Variants in NCAPD3 observed in about 807,000 individuals in gnomAD.
NCAPD3 encodes the protein condensin-2 complex subunit D3.
In NCAPD3, 105 loss-of-function variants were observed where a neutral mutation model predicts 182.9. That is an observed-to-expected ratio of 0.57 (90% CI 0.49 to 0.68). The LOEUF is 0.68. Ranked by LOEUF, NCAPD3 falls within the 30% of genes least tolerant of loss-of-function variation. NCAPD3 has a pLI of 0.00. For missense variants in NCAPD3, 1,944 were observed against 1,837.0 expected (o/e 1.06, Z -1.07); for synonymous variants, 815 against 679.9 (o/e 1.20, Z -3.09).
At chr11:134,207,803 A>C (rs1378258943) in intron 7 of NCAPD3, among the ~76,000 whole-genome samples, 3 of 151,622 alleles carry the variant, frequency 2.0e-5, no homozygotes, top group Non-Finnish European at 4.4e-5. Flanking sequence ...AAAGGGATGA[A>C]TTTTCCCACC....
intron 16 of NCAPD3, among the ~76,000 whole-genome samples, chr11:134,186,403 G>A (rs1944405972): frequency 6.6e-6 from 1 of 152,146 alleles, no homozygotes; most frequent in Non-Finnish European, 1.5e-5. Flanking sequence ...TCTTGAGACA[G>A]GGTCTCACTA....
At chr11:134,197,242 C>A (rs1307927975) in intron 13 of NCAPD3, among the ~76,000 whole-genome samples, 1 of 149,690 alleles carries the variant, frequency 6.7e-6, no homozygotes, top group Non-Finnish European at 1.5e-5. Flanking sequence ...CCAATTAAAT[C>A]TCTTTTCTGA....
chr11:134,169,203 A>G, intron 24 of NCAPD3, 149 bp from the exon 25 acceptor site: 2 of 706,004 alleles, frequency 2.8e-6, no homozygotes, highest in Non-Finnish European at 4.2e-6. Context: ...CTCGGATCCA[A>G]AGAAGACAGA....
chr11:134,159,941 G>C lies in NCAPD3; in HGVS notation c.3818C>G (p.Ala1273Gly). ...LVQEQELAKH[A>G]DVAGTAGGAE... The stretch of plus-strand genomic sequence containing the variant: ...ACCTCCAGCCGTCCCGGCCACATCT[G>C]CATGTTTTGCTAGCTCCTGCTCCTG... Residue 1273 changes from alanine (A) to glycine (G), a missense_variant, in exon 29 of 35, where the codon GCA becomes GGA. Ala to Gly is a moderately conservative substitution (Grantham distance 60). Around this residue, in one of 3 missense-constraint regions of NCAPD3, gnomAD observed 1,803 missense variants for 1,674.6 expected, o/e 1.08. Transcript: ENST00000534548. The C allele has an allele frequency of 1.2e-6, 2 of 1,613,866 alleles. No homozygotes were observed. The highest frequency in any genetic ancestry group is 1.7e-6 in the Non-Finnish European group (2 of 1,180,024).
chr11:134,168,733 T>A (rs1459248607), intron 25 of NCAPD3, 131 bp from the exon 26 acceptor site: 3 of 1,388,714 alleles, frequency 2.2e-6, no homozygotes, highest in Non-Finnish European at 2.9e-6. Flanking sequence ...CCAGTGCTCA[T>A]CACAGGCGCT....
chr11:134,188,083 C>G (rs1944447782), intron 16 of NCAPD3, among the ~76,000 whole-genome samples: 1 of 152,156 alleles, frequency 6.6e-6, no homozygotes, highest in East Asian at 1.9e-4. Context: ...ACATGGAGAA[C>G]TTTTCTGTCT....
chr11:134,203,867 G>C lies in NCAPD3; in HGVS notation c.1255C>G (p.Leu419Val), dbSNP rs749661154. Residue 419 changes from leucine (L) to valine (V), a missense_variant, in exon 11 of 35, where the codon CTG (leucine) becomes GTG (valine). Leu to Val is a conservative substitution (Grantham distance 32). This residue lies in a region of NCAPD3 where 1,803 missense variants were observed against 1,674.6 expected (regional missense o/e 1.08). Coordinates refer to ENST00000534548, the MANE Select transcript of NCAPD3 (RefSeq NM_015261.3). ...RVFTLDVVLA[L>V]LELPEREVDN... The stretch of plus-strand genomic sequence containing the variant: ...ACCTCTCTTTCAGGCAGTTCTAACA[G>C]AGCTAAGACAACATCAAGAGTAAAA... 1.9e-6 allele frequency: 3 copies of C among 1,613,978 alleles called. No homozygotes were observed. Among genetic ancestry groups the C allele is most frequent in the Non-Finnish European group, 2.5e-6 (3 of 1,179,982 alleles).
At chr11:134,159,533 C>T (rs370124357) in intron 29 of NCAPD3, among the ~76,000 whole-genome samples, 12 of 152,326 alleles carry the variant, frequency 7.9e-5, no homozygotes, top group African/African-American at 1.7e-4. Context: ...TTCCTCAGGA[C>T]GGTGAGCAAC....
intron 23 of NCAPD3, 144 bp downstream of exon 23, chr11:134,177,075 G>A (rs1336238075): frequency 2.0e-5 from 13 of 663,544 alleles, no homozygotes; most frequent in South Asian, 7.7e-5. Context: ...CTAAACATCA[G>A]AAGAGTAAAA....
chr11:134,205,473 G>A (rs906547856), intron 8 of NCAPD3, among the ~76,000 whole-genome samples: 27 of 149,534 alleles, frequency 1.8e-4, no homozygotes, highest in African/African-American at 6.2e-4. Flanking sequence ...TTCCCCCACC[G>A]GGTTCAAGAG....
intron 32 of NCAPD3, 50 bp downstream of exon 32, chr11:134,156,968 A>C (rs776315470): frequency 4.8e-6 from 7 of 1,471,942 alleles, no homozygotes; most frequent in Non-Finnish European, 6.6e-6. Flanking sequence ...ACACATCACG[A>C]ATGCAGGAGA....
chr11:134,184,838 C>CACACAG (rs1461279955), intron 18 of NCAPD3, 65 bp downstream of exon 18: 1 of 1,404,368 alleles, frequency 7.1e-7, no homozygotes, highest in Non-Finnish European at 1.0e-6. Context: ...CACACACACA[C>CACACAG]ACACACACAC....
At chr11:134,216,827 G>T in intron 3 of NCAPD3, 109 bp downstream of exon 3, 1 of 1,128,542 alleles carries the variant, frequency 8.9e-7, no homozygotes, top group Non-Finnish European at 1.2e-6. Context: ...CCATGGGTTA[G>T]CACTGCCCCA....
At chr11:134,193,539 G>A (rs972192918) in intron 15 of NCAPD3, among the ~76,000 whole-genome samples, 1 of 152,208 alleles carries the variant, frequency 6.6e-6, no homozygotes, top group Non-Finnish European at 1.5e-5. Flanking sequence ...GGTCACCTGA[G>A]GTCAGGAGTT....
At chr11:134,169,173 C>T in intron 24 of NCAPD3, 119 bp from the exon 25 acceptor site, 4 of 1,016,294 alleles carry the variant, frequency 3.9e-6, no homozygotes, top group Admixed American at 3.3e-5. Context: ...GATTCAAAAT[C>T]TATCCCAATA....
intron 24 of NCAPD3, among the ~76,000 whole-genome samples, chr11:134,170,490 A>G (rs2056052146): frequency 6.6e-6 from 1 of 152,270 alleles, no homozygotes; most frequent in Admixed American, 6.5e-5. Flanking sequence ...GTATTTTATT[A>G]TAGTTAATCT....
intron 24 of NCAPD3, among the ~76,000 whole-genome samples, chr11:134,176,016 C>T (rs1944153702): frequency 6.6e-6 from 1 of 151,616 alleles, no homozygotes; most frequent in African/African-American, 2.4e-5. Flanking sequence ...TGTAATACAG[C>T]AAGCATATAA....
rs780534575 is a variant in NCAPD3 at position 134,158,448 on chromosome 11, G to T, written c.3915C>A (p.Asn1305Lys). 3.1e-6 allele frequency: 5 copies of T among 1,614,214 alleles called. No individual in the cohort carries two copies. Among genetic ancestry groups the T allele is most frequent in the Non-Finnish European group, 4.2e-6 (5 of 1,180,044 alleles). Residue 1305 changes from asparagine (N) to lysine (K), a missense_variant, in exon 30 of 35, where the codon AAC (asparagine) becomes AAA (lysine). Asn to Lys is a moderately conservative substitution (Grantham distance 94). Transcript: ENST00000534548. The part of the protein sequence containing the change: ...ETVPVPAGQE[N>K]PAMSPAVSQP... ...GGCTCACGGCAGGTGACATGGCAGG[G>T]TTTTCTTGGCCAGCAGGAACTGGCA...
intron 2 of NCAPD3, among the ~76,000 whole-genome samples, chr11:134,220,301 G>A (rs549592195): frequency 3.8e-4 from 57 of 150,778 alleles, no homozygotes; most frequent in African/African-American, 1.3e-3. Context: ...GATTACAGAC[G>A]TAAGACACCA....
Sources: gnomAD v4.1 joint callset for allele counts (sites outside exome capture counted in the v4.1 genomes callset) on GRCh38, gnomAD v4.1.1 for gene constraint, gnomAD v4.1.1 regional missense constraint, MANE v1.5 for transcripts, NCBI Gene and HGNC (gene_info 2026-07-23, HGNC 2026-07-21) for gene names.